The following TRPC4 variants were observed in gnomAD, a reference collection of about 807,000 sequenced individuals.
TRPC4 encodes short transient receptor potential channel 4.
In TRPC4, 49 loss-of-function variants were observed where a neutral mutation model predicts 99.4. The ratio of observed to expected loss-of-function variants is 0.49; its 90% CI spans 0.39 to 0.63. The LOEUF is 0.63. TRPC4 is among the 20% of genes least tolerant of loss of function. The pLI, the probability that TRPC4 is intolerant of heterozygous loss-of-function variation, is 0.00. For missense variants in TRPC4, 898 were observed against 1,152.9 expected, an observed-to-expected ratio of 0.78 and a Z score of 3.20; for synonymous variants, 454 against 425.9, an observed-to-expected ratio of 1.07 and a Z score of -0.81.
At chr13:37,826,883 C>G (rs1281819209) in intron 1 of TRPC4, among the ~76,000 whole-genome samples, 1 of 152,136 alleles carries the variant, frequency 6.6e-6, no homozygotes, top group Non-Finnish European at 1.5e-5. Flanking sequence ...AACTTGGTTC[C>G]ATTCTCTCCA....
chr13:37,691,909 A>G lies in TRPC4; in HGVS notation c.1234+90T>C, dbSNP rs1953726231. On this transcript the variant is annotated intron_variant, in intron 4 of 10. Coordinates refer to ENST00000379705, the MANE Select transcript of TRPC4 (RefSeq NM_016179.4). Reference sequence around the variant, plus strand: ...GTCAGAACCTATTCTAAACATTCCTAGGTCCCAAACATTAATGAATATTTT... The same window carrying G: ...GTCAGAACCTATTCTAAACATTCCTGGGTCCCAAACATTAATGAATATTTT... The G allele has an allele frequency of 6.4e-6, 8 of 1,244,088 alleles. No individual in the cohort carries two copies. The South Asian group carries it at 1.0e-4, about 16-fold the overall frequency. The allele number at this position is 1,244,088 out of a possible 1,614,324, so 77.1% of individuals were successfully genotyped here.
intron 3 of TRPC4, among the ~76,000 whole-genome samples, chr13:37,713,071 C>A (rs76151725): frequency 0.025 from 3,879 of 152,156 alleles, 176 homozygotes; most frequent in African/African-American, 0.089. Flanking sequence ...ATTTTTCAAC[C>A]TTTTGTTTTT....
At chr13:37,714,249 C>A (rs1440746702) in intron 3 of TRPC4, among the ~76,000 whole-genome samples, 1 of 152,078 alleles carries the variant, frequency 6.6e-6, no homozygotes, top group Non-Finnish European at 1.5e-5. Flanking sequence ...GCCTCAGCCT[C>A]CTGAGCGGCT....
At chr13:37,787,986 C>A (rs1210458266) in intron 1 of TRPC4, among the ~76,000 whole-genome samples, 1 of 151,992 alleles carries the variant, frequency 6.6e-6, no homozygotes, top group Non-Finnish European at 1.5e-5. Flanking sequence ...ATAGGCAGGG[C>A]AAACAATGTT....
At chr13:37,696,449 T>A (rs1476779531) in intron 3 of TRPC4, among the ~76,000 whole-genome samples, 1 of 152,244 alleles carries the variant, frequency 6.6e-6, no homozygotes, top group Non-Finnish European at 1.5e-5. Flanking sequence ...AGATTTACTG[T>A]CTTCATCTTT....
At chr13:37,832,867 T>G (rs181539617) in intron 1 of TRPC4, among the ~76,000 whole-genome samples, 1 of 152,284 alleles carries the variant, frequency 6.6e-6, no homozygotes, top group East Asian at 1.9e-4. Context: ...ACAGTATGTA[T>G]CTATTGATTA....
intron 2 of TRPC4, among the ~76,000 whole-genome samples, chr13:37,773,117 G>T (rs945703438): frequency 6.6e-6 from 1 of 151,696 alleles, no homozygotes; most frequent in Non-Finnish European, 1.5e-5. Context: ...GGAATTTCAG[G>T]ACACTTGCTC....
intron 4 of TRPC4, 139 bp downstream of exon 4, chr13:37,691,860 G>T (rs1953723570): frequency 2.5e-6 from 2 of 795,986 alleles, no homozygotes; most frequent in East Asian, 5.4e-5. Flanking sequence ...TGGCTTTGGG[G>T]GTGAGGTTCT....
rs1485427061 is a variant in TRPC4, at chr13:37,848,607, C to T, written c.-28+20988G>A. ...AGAATCGGAGCAAAGTAGGTCTCTC[C>T]AATATGACACACACACACCCTCATC... is the stretch of plus-strand genomic sequence containing the variant. On this transcript the variant is annotated intron_variant, in intron 1 of 10. Transcript: ENST00000379705. Among the ~76,000 whole-genome samples, 6 of 152,014 alleles carry T rather than the reference C, an allele frequency of 3.9e-5. No individual in the cohort carries two copies. In the East Asian group the frequency reaches 1.2e-3, roughly 29 times the overall value.
At chr13:37,710,723 T>C (rs577521992) in intron 3 of TRPC4, among the ~76,000 whole-genome samples, 9 of 152,050 alleles carry the variant, frequency 5.9e-5, no homozygotes, top group Admixed American at 3.3e-4. Flanking sequence ...TGATCTTCTT[T>C]ATGGGTCTTG....
At chr13:37,806,411 A>C (rs540252850) in intron 1 of TRPC4, among the ~76,000 whole-genome samples, 5 of 152,200 alleles carry the variant, frequency 3.3e-5, no homozygotes, top group African/African-American at 1.2e-4. Context: ...GAACAAGGTA[A>C]TTACTGAGTC....
chr13:37,759,408 A>G (rs2139231967), intron 2 of TRPC4, among the ~76,000 whole-genome samples: 1 of 152,016 alleles, frequency 6.6e-6, no homozygotes, highest in South Asian at 2.1e-4. Flanking sequence ...TTTGTTATAC[A>G]ATTCTTGAGT....
intron 3 of TRPC4, among the ~76,000 whole-genome samples, chr13:37,703,084 T>C (rs1160914225): frequency 6.6e-6 from 1 of 152,116 alleles, no homozygotes; most frequent in Non-Finnish European, 1.5e-5. Context: ...TGTATAAGGA[T>C]TATCTGAGAG....
At chr13:37,667,227 T>C (rs1417828988) in intron 5 of TRPC4, among the ~76,000 whole-genome samples, 1 of 152,162 alleles carries the variant, frequency 6.6e-6, no homozygotes, top group African/African-American at 2.4e-5. Context: ...GTACCTCTTA[T>C]TTCTCAGATA....
intron 2 of TRPC4, among the ~76,000 whole-genome samples, chr13:37,765,983 T>TC (rs397783741): frequency 6.6e-6 from 1 of 151,248 alleles, no homozygotes; most frequent in Non-Finnish European, 1.5e-5. Flanking sequence ...TCATTTTTTT[T>TC]CCACTTTCCA....
chr13:37,634,143 A>G lies in TRPC4; in HGVS notation c.*2760T>C, dbSNP rs1254704269. Reference sequence around the variant, plus strand: ...AAACATTATTTATGTAAATGAAGGTAATTTCAAAGTTCTCTGTAGCATTTA... The same window carrying G: ...AAACATTATTTATGTAAATGAAGGTGATTTCAAAGTTCTCTGTAGCATTTA... On this transcript the variant is annotated 3_prime_UTR_variant, in exon 11 of 11. Coordinates refer to ENST00000379705, the MANE Select transcript of TRPC4 (RefSeq NM_016179.4). Among the ~76,000 whole-genome samples, 1 of 152,130 alleles carries G rather than the reference A, an allele frequency of 6.6e-6. No homozygotes were observed. Among genetic ancestry groups the G allele is most frequent in the African/African-American group, 2.4e-5 (1 of 41,452 alleles).
chr13:37,723,575 C>T (rs1342158027), intron 3 of TRPC4, among the ~76,000 whole-genome samples: 1 of 152,022 alleles, frequency 6.6e-6, no homozygotes, highest in Admixed American at 6.6e-5. Flanking sequence ...GTTTTTTTGA[C>T]AGAGTCACTC....
chr13:37,865,040 A>G (rs547781319), intron 1 of TRPC4, among the ~76,000 whole-genome samples: 7 of 151,902 alleles, frequency 4.6e-5, no homozygotes, highest in South Asian at 4.1e-4. Flanking sequence ...CATATATTCA[A>G]AGAAAGTATT....
chr13:37,788,575 T>C (rs1057074613), intron 1 of TRPC4, among the ~76,000 whole-genome samples: 9 of 151,618 alleles, frequency 5.9e-5, no homozygotes, highest in African/African-American at 9.7e-5. Flanking sequence ...CAGTCTTCCC[T>C]AATGCTCCAC....
Sources: gnomAD v4.1 joint callset for allele counts (sites outside exome capture counted in the v4.1 genomes callset) on GRCh38, gnomAD v4.1.1 for gene constraint, MANE v1.5 for transcripts, NCBI Gene and HGNC (gene_info 2026-07-23, HGNC 2026-07-21) for gene names.